Variants in CYFIP1 observed in about 807,000 individuals in gnomAD.
CYFIP1 encodes the protein cytoplasmic FMR1-interacting protein 1.
CYFIP1 carries 58 observed loss-of-function variants against 163.5 expected under a neutral mutation model. The ratio of observed to expected loss-of-function variants is 0.35; its 90% CI spans 0.29 to 0.44. The LOEUF (loss-of-function observed/expected upper bound fraction) is 0.44, where lower values mean the gene tolerates loss of function less well. CYFIP1 is among the 20% of genes least tolerant of loss of function. The pLI is 1.00. For missense variants in CYFIP1, 1,338 were observed against 1,653.8 expected (o/e 0.81, Z 3.31); for synonymous variants, 663 against 660.7 (o/e 1.00, Z -0.05).
At position 22,961,723 on chromosome 15, in the gene CYFIP1, T is replaced by C. The variant is rs182235228; in HGVS notation, c.-6-14432A>G. On this transcript the variant is annotated intron_variant, in intron 1 of 30. Transcript: ENST00000617928. The stretch of plus-strand genomic sequence containing the variant: ...AACTTGCCAGCTTGGGTTGTTTGCC[T>C]GTTTGTTTTTTTAAAATCCTTGGAA... Among the ~76,000 whole-genome samples the C allele has an allele frequency of 1.3e-4, 20 of 152,298 alleles. No homozygotes were observed. The East Asian group carries it at 3.5e-3, about 26-fold the overall frequency.
intron 30 of CYFIP1, among the ~76,000 whole-genome samples, chr15:22,871,454 T>A (rs879656044): frequency 3.3e-5 from 5 of 152,164 alleles, no homozygotes; most frequent in Admixed American, 1.3e-4. Context: ...ACAAGTTAAC[T>A]AAGACACATG....
At chr15:22,871,020 G>T (rs1432365094) in intron 30 of CYFIP1, among the ~76,000 whole-genome samples, 2 of 152,312 alleles carry the variant, frequency 1.3e-5, no homozygotes, top group East Asian at 3.9e-4. Flanking sequence ...AGCGGCGGTG[G>T]GGTGAGGAGC....
chr15:22,965,507 T>C (rs8032564), intron 1 of CYFIP1, among the ~76,000 whole-genome samples: 79,190 of 152,086 alleles, frequency 0.52, 21,188 homozygotes, highest in African/African-American at 0.63. Flanking sequence ...CACAGGCGTG[T>C]GGCCTGGGAG....
At chr15:22,895,652 C>T (rs1050157762) in intron 22 of CYFIP1, among the ~76,000 whole-genome samples, 2 of 152,160 alleles carry the variant, frequency 1.3e-5, no homozygotes, top group African/African-American at 4.8e-5. Context: ...CAACATGGGG[C>T]TGGCCACACC....
chr15:22,928,107 T>G, intron 11 of CYFIP1, 79 bp from the exon 12 acceptor site: 15 of 1,373,990 alleles, frequency 1.1e-5, no homozygotes, highest in Non-Finnish European at 1.4e-5. Flanking sequence ...ACCATGAGAA[T>G]CCACCCCAAA....
chr15:22,960,093 G>A lies in CYFIP1; in HGVS notation c.-6-12802C>T, dbSNP rs879795500. ...CCCTACTGCGCCTGGCCTGTGGGCCGAGTGTCTCCCGGGCTCCACCACTGT... is the reference window on the plus strand; with the variant it reads ...CCCTACTGCGCCTGGCCTGTGGGCCAAGTGTCTCCCGGGCTCCACCACTGT... On this transcript the variant is annotated intron_variant, in intron 1 of 30. Transcript: ENST00000617928. Among the ~76,000 whole-genome samples, 14 of 152,168 alleles carry A rather than the reference G, an allele frequency of 9.2e-5. 1 individual carries two copies. Among genetic ancestry groups the A allele is most frequent in the Non-Finnish European group, 1.3e-4 (9 of 68,012 alleles).
chr15:22,937,605 T>C (rs535425410), intron 8 of CYFIP1, among the ~76,000 whole-genome samples: 1 of 143,788 alleles, frequency 7.0e-6, no homozygotes, highest in Non-Finnish European at 1.5e-5. Context: ...TCTTTTTTTG[T>C]TTTTTTTTTT....
chr15:22,937,294 G>C, intron 8 of CYFIP1, 86 bp from the exon 9 acceptor site: 1 of 767,196 alleles, frequency 1.3e-6, no homozygotes, highest in South Asian at 1.6e-5. Flanking sequence ...TACAGCTGAT[G>C]ACTTTGAAGG....
rs748764401 is a variant in CYFIP1 at position 22,882,854 on chromosome 15, C to T, written c.2820+14G>A. 1.2e-6 allele frequency: 2 copies of T among 1,609,808 alleles called. No homozygotes were observed. Among genetic ancestry groups the T allele is most frequent in the African/African-American group, 1.3e-5 (1 of 74,976 alleles). ...CCAGGCTGTGTGAAAGAAGCATGTC[C>T]AGGGAACACTCACCAGGCTCTTGAC... On this transcript the variant is annotated intron_variant, in intron 24 of 30. Transcript: ENST00000617928.
Position 22,868,260 on chromosome 15 carries a change from G to A in CYFIP1, c.*1768C>T, listed in dbSNP as rs1051288. 0.22 allele frequency: 33,228 copies of A among 152,008 alleles called. 3,884 individuals are homozygous for A. Among genetic ancestry groups the A allele is most frequent in the East Asian group, 0.37 (1,890 of 5,178 alleles). The allele number at this position is 152,008 out of a possible 1,614,324, so 9.4% of individuals were successfully genotyped here. On this transcript the variant is annotated 3_prime_UTR_variant, in exon 31 of 31. Transcript: ENST00000617928. ...CATTTTAATACTACAGATGTACTACGTATCTGTTTATATACTGTACCTACA... is the reference window on the plus strand; with the variant it reads ...CATTTTAATACTACAGATGTACTACATATCTGTTTATATACTGTACCTACA...
At chr15:22,887,275 T>C (rs1039432457) in intron 23 of CYFIP1, among the ~76,000 whole-genome samples, 4 of 152,146 alleles carry the variant, frequency 2.6e-5, no homozygotes, top group African/African-American at 9.7e-5. Flanking sequence ...GTGACGAGAT[T>C]AGACAACACT....
intron 24 of CYFIP1, among the ~76,000 whole-genome samples, chr15:22,882,297 G>A (rs900085726): frequency 1.3e-5 from 2 of 152,188 alleles, no homozygotes; most frequent in African/African-American, 2.4e-5. Context: ...TCCTGGGTGC[G>A]GCCCCAGGCT....
At chr15:22,913,294 C>T (rs752124759) in intron 17 of CYFIP1, among the ~76,000 whole-genome samples, 2 of 150,772 alleles carry the variant, frequency 1.3e-5, no homozygotes, top group Non-Finnish European at 3.0e-5. Context: ...TTTGGGAGGC[C>T]GAGGTGGGCG....
intron 23 of CYFIP1, among the ~76,000 whole-genome samples, chr15:22,883,453 T>G (rs2059829360): frequency 6.6e-6 from 1 of 152,014 alleles, no homozygotes; most frequent in Non-Finnish European, 1.5e-5. Context: ...GGAAGGTAGT[T>G]AGGGTGTGTA....
chr15:22,979,836 C>G (rs908964638), intron 1 of CYFIP1, among the ~76,000 whole-genome samples: 3 of 152,178 alleles, frequency 2.0e-5, no homozygotes, highest in Non-Finnish European at 4.4e-5. Context: ...GGGTTCAGAT[C>G]TTGCTGCGCG....
chr15:22,957,796 T>C (rs1384671634), intron 1 of CYFIP1, among the ~76,000 whole-genome samples: 4 of 152,176 alleles, frequency 2.6e-5, no homozygotes, highest in Non-Finnish European at 5.9e-5. Flanking sequence ...CCCAGAAAAG[T>C]AGAAACTTCC....
chr15:22,877,471 T>A (rs975422813), intron 26 of CYFIP1, among the ~76,000 whole-genome samples: 2 of 152,212 alleles, frequency 1.3e-5, no homozygotes, highest in African/African-American at 4.8e-5. Context: ...ATGCTGTAAG[T>A]TCAGGAAAAG....
At chr15:22,964,291 CA>C in intron 1 of CYFIP1, among the ~76,000 whole-genome samples, 1 of 116,464 alleles carries the variant, frequency 8.6e-6, no homozygotes, top group African/African-American at 3.3e-5. Context: ...CACACACACA[CA>C]CACACACACA....
intron 1 of CYFIP1, among the ~76,000 whole-genome samples, chr15:22,966,296 C>G (rs1435908248): frequency 6.6e-6 from 1 of 151,710 alleles, no homozygotes; most frequent in East Asian, 1.9e-4. Flanking sequence ...TCGCTCGAAC[C>G]CGGGAGGCAG....
Sources: allele counts gnomAD v4.1 joint callset (sites outside exome capture counted in the v4.1 genomes callset), GRCh38; gene constraint gnomAD v4.1.1; transcripts MANE v1.5; gene names NCBI Gene and HGNC (gene_info 2026-07-23, HGNC 2026-07-21).